The following WRN variants were observed in gnomAD, a reference collection of about 807,000 sequenced individuals.
WRN encodes bifunctional 3'-5' exonuclease/ATP-dependent helicase WRN.
Under a neutral mutation model 180.7 loss-of-function variants are expected in WRN, and 149 were observed. That is an observed-to-expected ratio of 0.82 (90% CI 0.72 to 0.94). WRN has a LOEUF of 0.94. WRN is among the 40% of genes least tolerant of loss of function. The pLI is 0.00. For synonymous variants in WRN, 548 were observed against 568.9 expected (o/e 0.96, Z 0.52); for missense variants, 1,661 against 1,700.1 (o/e 0.98, Z 0.40).
chr8:31,107,551 A>G (rs1048918595), intron 18 of WRN, among the ~76,000 whole-genome samples: 2 of 152,142 alleles, frequency 1.3e-5, no homozygotes. Flanking sequence ...TGGTGTTTTC[A>G]AGAACCCTCT....
intron 34 of WRN, among the ~76,000 whole-genome samples, chr8:31,168,981 A>T (rs1339702893): frequency 6.6e-6 from 1 of 152,104 alleles, no homozygotes; most frequent in Non-Finnish European, 1.5e-5. Flanking sequence ...GATTCTTTAA[A>T]TATTTAGTAT....
intron 15 of WRN, among the ~76,000 whole-genome samples, chr8:31,091,221 T>C (rs1473457017): frequency 1.3e-5 from 2 of 152,154 alleles, no homozygotes; most frequent in African/African-American, 4.8e-5. Context: ...TTCTTTTCTC[T>C]TTTTGTTACC....
At chr8:31,109,583 G>T (rs1181992435) in intron 18 of WRN, among the ~76,000 whole-genome samples, 2 of 152,138 alleles carry the variant, frequency 1.3e-5, no homozygotes, top group South Asian at 2.1e-4. Flanking sequence ...TTGTTATATA[G>T]AATTCTTTTT....
At chr8:31,060,813 A>G (rs111766144) in intron 3 of WRN, among the ~76,000 whole-genome samples, 2 of 152,170 alleles carry the variant, frequency 1.3e-5, no homozygotes, top group Non-Finnish European at 2.9e-5. Context: ...GAAGAATTGT[A>G]GTTTTGATGA....
chr8:31,144,089 T>G (rs1182902963), intron 28 of WRN, among the ~76,000 whole-genome samples: 1 of 152,232 alleles, frequency 6.6e-6, no homozygotes, highest in Non-Finnish European at 1.5e-5. Context: ...TTATTGTGCC[T>G]GGCTTTATTG....
chr8:31,142,960 A>C (rs1166216551), intron 27 of WRN, among the ~76,000 whole-genome samples: 1 of 151,970 alleles, frequency 6.6e-6, no homozygotes, highest in Non-Finnish European at 1.5e-5. Context: ...TTTGGCTTAG[A>C]GTAGTCACAT....
chr8:31,092,025 G>T, intron 16 of WRN, 127 bp downstream of exon 16: 1 of 857,442 alleles, frequency 1.2e-6, no homozygotes, highest in Non-Finnish European at 1.9e-6. Flanking sequence ...TAATCATGTG[G>T]TCAGATGTCT....
At position 31,150,465 on chromosome 8, in the gene WRN, T is replaced by G. The variant is rs1231699492; in HGVS notation, c.3687+10T>G. On this transcript the variant is annotated intron_variant, in intron 31 of 34. Transcript: ENST00000298139. ...AACAAATAGTGTTCAGGTAAAATAC[T>G]GTGGTTTGCAGGAGCTCTTAGAGAA... 1 of 1,612,690 alleles carries G rather than the reference T, an allele frequency of 6.2e-7. No homozygotes were observed. Among genetic ancestry groups the G allele is most frequent in the Non-Finnish European group, 8.5e-7 (1 of 1,178,646 alleles).
intron 30 of WRN, among the ~76,000 whole-genome samples, chr8:31,147,983 A>C (rs907438262): frequency 9.5e-5 from 14 of 148,124 alleles, no homozygotes; most frequent in Non-Finnish European, 1.9e-4. Flanking sequence ...GACCCCCTGG[A>C]CTCAAGCTAT....
At chr8:31,105,903 A>G (rs1172499851) in intron 18 of WRN, among the ~76,000 whole-genome samples, 1 of 152,150 alleles carries the variant, frequency 6.6e-6, no homozygotes, top group Non-Finnish European at 1.5e-5. Flanking sequence ...CATTTTAGCC[A>G]TTTAATAGAA....
chr8:31,142,339 G>A (rs756829471), intron 26 of WRN, among the ~76,000 whole-genome samples: 2 of 152,156 alleles, frequency 1.3e-5, no homozygotes, highest in Non-Finnish European at 1.5e-5. Flanking sequence ...AAATCAATGC[G>A]GAGGAATCCA....
At chr8:31,050,394 C>T (rs551280423) in intron 1 of WRN, among the ~76,000 whole-genome samples, 5 of 152,096 alleles carry the variant, frequency 3.3e-5, no homozygotes, top group African/African-American at 1.2e-4. Context: ...AGTAAATGAC[C>T]GTCAAATAAA....
Position 31,065,038 on chromosome 8 carries a change from A to C in WRN, c.479A>C (p.Glu160Ala), listed in dbSNP as rs1250439426. 1.9e-6 allele frequency: 3 copies of C among 1,613,438 alleles called. No homozygotes were observed. In the Admixed American group the frequency reaches 5.0e-5, roughly 27 times the overall value. Residue 160 changes from glutamate (E) to alanine (A), a missense_variant, in exon 5 of 35, where the codon GAG becomes GCG. Glu to Ala is a moderately radical substitution (Grantham distance 107). Transcript: ENST00000298139. ...DFDIKLKNFV[E>A]LTDVANKKLK... ...GATATCAAATTGAAGAATTTTGTGG[A>C]GTTGACAGATGTTGCCAATAAAAAG...
chr8:31,099,299 G>T (rs1001384421), intron 17 of WRN, among the ~76,000 whole-genome samples: 2 of 152,010 alleles, frequency 1.3e-5, no homozygotes, highest in Non-Finnish European at 2.9e-5. Context: ...AGCTACTGGG[G>T]AGGGTAAGGC....
chr8:31,035,647 T>TA (rs562702757), intron 1 of WRN, among the ~76,000 whole-genome samples: 10 of 152,160 alleles, frequency 6.6e-5, no homozygotes, highest in Non-Finnish European at 1.3e-4. Context: ...ATTATGTTTC[T>TA]AAAAAATTGG....
chr8:31,048,532 C>CA (rs1811957766), intron 1 of WRN, among the ~76,000 whole-genome samples: 2 of 151,948 alleles, frequency 1.3e-5, no homozygotes, highest in African/African-American at 4.8e-5. Flanking sequence ...TATATATATG[C>CA]TTGTGTGTGT....
intron 18 of WRN, among the ~76,000 whole-genome samples, chr8:31,101,266 A>G (rs1033224317): frequency 6.6e-6 from 1 of 152,018 alleles, no homozygotes; most frequent in Non-Finnish European, 1.5e-5. Context: ...AAATATAAAG[A>G]GTTACATTTT....
intron 1 of WRN, among the ~76,000 whole-genome samples, chr8:31,045,359 C>G (rs888765334): frequency 6.6e-6 from 1 of 151,840 alleles, no homozygotes; most frequent in African/African-American, 2.4e-5. Context: ...ATTAGACATG[C>G]TATGTCTGAT....
intron 6 of WRN, 124 bp from the exon 7 acceptor site, chr8:31,068,134 A>G: frequency 1.4e-6 from 1 of 697,786 alleles, no homozygotes; most frequent in Non-Finnish European, 2.5e-6. Flanking sequence ...GTGTCACATA[A>G]TAGGTTGAAT....
Sources: gnomAD v4.1 joint callset for allele counts (sites outside exome capture counted in the v4.1 genomes callset) on GRCh38, gnomAD v4.1.1 for gene constraint, MANE v1.5 for transcripts, NCBI Gene and HGNC (gene_info 2026-07-23, HGNC 2026-07-21) for gene names.